KLF12: variants seen among roughly 807,000 people sequenced by gnomAD.
The protein encoded by KLF12 is Krueppel-like factor 12.
KLF12 carries 9 observed loss-of-function variants against 37.8 expected under a neutral mutation model. The observed-to-expected ratio is 0.24, with a 90% confidence interval of 0.14 to 0.42. KLF12 has a LOEUF of 0.42. Ranked by LOEUF, KLF12 falls within the 10% of genes least tolerant of loss-of-function variation. KLF12 has a pLI of 1.00. For missense variants in KLF12, 411 were observed against 516.0 expected, an observed-to-expected ratio of 0.80 and a Z score of 1.97; for synonymous variants, 208 against 202.1, an observed-to-expected ratio of 1.03 and a Z score of -0.25.
At chr13:74,198,700 A>T in the KLF12 span, among the ~76,000 whole-genome samples, 2 of 152,174 alleles carry the variant, frequency 1.3e-5, no homozygotes, top group African/African-American at 4.8e-5. Context: ...TTGAAAAGAA[A>T]AAAACCCAGT....
At chr13:74,012,401 C>T (rs572646955) in intron 1 of KLF12, among the ~76,000 whole-genome samples, 7 of 152,270 alleles carry the variant, frequency 4.6e-5, no homozygotes, top group South Asian at 2.1e-4. Context: ...AATATCTATT[C>T]CTGAGTACAC....
intron 3 of KLF12, among the ~76,000 whole-genome samples, chr13:73,921,022 G>C (rs1889087590): frequency 6.6e-6 from 1 of 152,068 alleles, no homozygotes; most frequent in African/African-American, 2.4e-5. Flanking sequence ...TAACTGATAG[G>C]AAAGGAGAGA....
chr13:74,133,968 T>C (rs1878421006), upstream of KLF12, among the ~76,000 whole-genome samples: 1 of 152,100 alleles, frequency 6.6e-6, no homozygotes, highest in Non-Finnish European at 1.5e-5. Context: ...TGCAAATGAC[T>C]TACCCGGATC....
At chr13:74,137,894 A>G (rs1452934168), upstream of KLF12, among the ~76,000 whole-genome samples, 3 of 152,116 alleles carry the variant, frequency 2.0e-5, no homozygotes, top group South Asian at 4.1e-4. Context: ...ACAAGTAGCT[A>G]GGATTACGGG....
At chr13:73,879,274 G>A (rs1223858296) in intron 3 of KLF12, among the ~76,000 whole-genome samples, 1 of 152,080 alleles carries the variant, frequency 6.6e-6, no homozygotes, top group Non-Finnish European at 1.5e-5. Context: ...TCACAGACTG[G>A]CAAAATCCTA....
At chr13:73,805,619 A>C (rs1243773535) in intron 5 of KLF12, among the ~76,000 whole-genome samples, 3 of 29,446 alleles carry the variant, frequency 1.0e-4, no homozygotes, top group South Asian at 2.2e-3. Context: ...GAAGGGAGGG[A>C]GGGAGGGAGG....
At position 73,846,299 on chromosome 13, in the gene KLF12, C is replaced by T. The variant is rs750790792; in HGVS notation, c.198G>A (p.Pro66=). 2.9e-5 allele frequency: 46 copies of T among 1,613,850 alleles called. No homozygotes were observed. Among genetic ancestry groups the T allele is most frequent in the African/African-American group, 4.0e-5 (3 of 74,884 alleles). ...AGTGATCTACAGATAACGAGTCCTC[C>T]GGGGGCTCCCCTTTCACATTATTTA... The change falls in exon 4 of 8, where the codon CCG becomes CCA. Residue 66 remains proline (P), a synonymous_variant. Coordinates refer to ENST00000377669, the MANE Select transcript of KLF12 (RefSeq NM_007249.5).
the KLF12 span, among the ~76,000 whole-genome samples, chr13:74,286,618 A>T: frequency 6.6e-6 from 1 of 152,230 alleles, no homozygotes; most frequent in African/African-American, 2.4e-5. Context: ...GTTAGCACTG[A>T]TAAAATACAA....
chr13:74,278,429 A>G, the KLF12 span, among the ~76,000 whole-genome samples: 1 of 152,096 alleles, frequency 6.6e-6, no homozygotes, highest in Non-Finnish European at 1.5e-5. Context: ...TTCTTTGTCT[A>G]CATACTGATC....
intron 4 of KLF12, among the ~76,000 whole-genome samples, chr13:73,844,235 A>T (rs1309473878): frequency 6.6e-6 from 1 of 152,200 alleles, no homozygotes; most frequent in Non-Finnish European, 1.5e-5. Flanking sequence ...TTCTTAAAAC[A>T]TTTGCAATAT....
chr13:74,208,337 G>A, the KLF12 span, among the ~76,000 whole-genome samples: 3 of 152,130 alleles, frequency 2.0e-5, no homozygotes, highest in African/African-American at 4.8e-5. Context: ...CATTCAGAAT[G>A]CTGCAATATG....
At chr13:74,284,083 TCCTGACCTTGTGATCCA>T in the KLF12 span, among the ~76,000 whole-genome samples, 3 of 152,222 alleles carry the variant, frequency 2.0e-5, no homozygotes, top group Admixed American at 2.0e-4. Flanking sequence ...GGTCTGGATC[TCCTGACCTTGTGATCCA>T]CCTGCCTCGG....
At chr13:74,045,873 C>T (rs1593854650) in intron 1 of KLF12, among the ~76,000 whole-genome samples, 1 of 152,212 alleles carries the variant, frequency 6.6e-6, no homozygotes, top group Non-Finnish European at 1.5e-5. Context: ...CCAGGATGGG[C>T]TCTGGCCACC....
the KLF12 span, among the ~76,000 whole-genome samples, chr13:74,242,061 A>G: frequency 2.0e-5 from 3 of 152,308 alleles, no homozygotes; most frequent in Admixed American, 6.5e-5. Flanking sequence ...AAAGTTCTGT[A>G]TTTGCATGAT....
At chr13:73,989,237 A>G (rs1891902198) in intron 2 of KLF12, among the ~76,000 whole-genome samples, 1 of 152,236 alleles carries the variant, frequency 6.6e-6, no homozygotes, top group Admixed American at 6.5e-5. Context: ...TCAAATTCCC[A>G]ATCAAAGCAC....
At chr13:73,824,345 G>T (rs928040321) in intron 4 of KLF12, among the ~76,000 whole-genome samples, 4 of 152,090 alleles carry the variant, frequency 2.6e-5, no homozygotes, top group African/African-American at 7.2e-5. Flanking sequence ...AAATATAAGC[G>T]CTATATAACA....
chr13:73,864,448 C>T (rs951947762), intron 3 of KLF12, among the ~76,000 whole-genome samples: 4 of 151,984 alleles, frequency 2.6e-5, no homozygotes, highest in African/African-American at 9.7e-5. Context: ...AGGGAAAAAA[C>T]ACTGGTCTAT....
the KLF12 span, among the ~76,000 whole-genome samples, chr13:74,266,575 C>T: frequency 0.25 from 37,596 of 152,002 alleles, 5,106 homozygotes; most frequent in South Asian, 0.37. Flanking sequence ...CATCCTGCTA[C>T]GCTGCTGTTC....
chr13:74,134,833 C>G (rs929198276), upstream of KLF12, among the ~76,000 whole-genome samples: 8 of 151,866 alleles, frequency 5.3e-5, no homozygotes, highest in Non-Finnish European at 8.8e-5. Context: ...GGGCCCCCAC[C>G]CCTCGCCGCA....
Sources: gnomAD v4.1 joint callset for allele counts (sites outside exome capture counted in the v4.1 genomes callset) on GRCh38, gnomAD v4.1.1 for gene constraint, MANE v1.5 for transcripts, NCBI Gene and HGNC (gene_info 2026-07-23, HGNC 2026-07-21) for gene names.